Variants in SOS1 observed in about 807,000 individuals in gnomAD.
SOS1 encodes son of sevenless homolog 1.
A neutral mutation model predicts 157.6 loss-of-function variants in SOS1; 25 were observed. The ratio of observed to expected loss-of-function variants is 0.16; its 90% confidence interval spans 0.12 to 0.22. SOS1 has a LOEUF of 0.22. SOS1 is among the 10% of genes least tolerant of loss of function. The probability of loss-of-function intolerance (pLI) is 1.00; values close to 1 mark genes in which losing one functional copy is unlikely to be tolerated. For synonymous variants in SOS1, 528 were observed against 534.0 expected (o/e 0.99, Z 0.16); for missense variants, 1,237 against 1,599.1 (o/e 0.77, Z 3.86).
rs12614938 is a variant in SOS1, at chr2:39,077,826, C to T, written c.88-10073G>A. Among the ~76,000 whole-genome samples, 279 of 152,114 alleles carry T rather than the reference C, an allele frequency of 1.8e-3. 12 individuals carry two copies. In the East Asian group the frequency reaches 0.048, roughly 26 times the overall value. ...AACTGAAGATGGATCAAGTACATAA[C>T]GGTGATAAGCAAAAGATTCAGAAAC... On this transcript the variant is annotated intron_variant, in intron 1 of 22. Transcript: ENST00000402219.
chr2:39,040,313 G>A (rs1670525622), intron 6 of SOS1, among the ~76,000 whole-genome samples: 1 of 152,136 alleles, frequency 6.6e-6, no homozygotes, highest in Non-Finnish European at 1.5e-5. Context: ...CACTGTGCCC[G>A]GCCTAATTTT....
chr2:39,048,257 A>C (rs1467239656), intron 6 of SOS1, among the ~76,000 whole-genome samples: 2 of 152,152 alleles, frequency 1.3e-5, no homozygotes, highest in African/African-American at 2.4e-5. Context: ...ATAATACTGT[A>C]GTTGGGTAGA....
chr2:38,986,539 C>T (rs1668566505), intron 22 of SOS1, among the ~76,000 whole-genome samples: 1 of 151,616 alleles, frequency 6.6e-6, no homozygotes, highest in Non-Finnish European at 1.5e-5. Flanking sequence ...AATCATGGCT[C>T]ACTGTAGCCT....
Position 39,096,980 on chromosome 2 carries a change from C to T in SOS1, c.87+23356G>A, listed in dbSNP as rs1021399227. 6.6e-5 allele frequency among the ~76,000 whole-genome samples: 10 copies of T among 152,154 alleles called. No homozygotes were observed. In the East Asian group the frequency reaches 1.9e-3, roughly 29 times the overall value. On this transcript the variant is annotated intron_variant, in intron 1 of 22. Transcript: ENST00000402219. Reference sequence around the variant, plus strand: ...ATAAAATCCCTAAGAGCTACCTATACCTACCAATAATTAGCTACACAATCT... The same window carrying T: ...ATAAAATCCCTAAGAGCTACCTATATCTACCAATAATTAGCTACACAATCT...
At chr2:39,042,473 G>A (rs1245265856) in intron 6 of SOS1, among the ~76,000 whole-genome samples, 1 of 151,768 alleles carries the variant, frequency 6.6e-6, no homozygotes, top group Non-Finnish European at 1.5e-5. Context: ...GCACAATCTC[G>A]GCTCACTGCA....
intron 1 of SOS1, among the ~76,000 whole-genome samples, chr2:39,095,758 G>T (rs181016455): frequency 4.1e-4 from 63 of 152,300 alleles, no homozygotes; most frequent in African/African-American, 1.5e-3. Context: ...GGACAGAGAG[G>T]AATCATTAGA....
chr2:39,033,905 T>G (rs1416141261), intron 8 of SOS1, among the ~76,000 whole-genome samples: 1 of 151,978 alleles, frequency 6.6e-6, no homozygotes, highest in Non-Finnish European at 1.5e-5. Context: ...TTTCTGAATT[T>G]CATTACAGGC....
At chr2:39,102,230 A>AAAAAAAAAG (rs1553370166) in intron 1 of SOS1, among the ~76,000 whole-genome samples, 4 of 142,860 alleles carry the variant, frequency 2.8e-5, no homozygotes, top group East Asian at 2.0e-4. Context: ...AAAAAAAAAA[A>AAAAAAAAAG]GTGCCACTTT....
intron 6 of SOS1, among the ~76,000 whole-genome samples, chr2:39,045,253 A>AGGGG (rs1349175910): frequency 3.3e-5 from 4 of 121,152 alleles, no homozygotes; most frequent in African/African-American, 1.2e-4. Flanking sequence ...GGAGAGAGAG[A>AGGGG]GAGAGAGAGA....
intron 1 of SOS1, among the ~76,000 whole-genome samples, chr2:39,111,449 A>G (rs956089846): frequency 2.0e-5 from 3 of 152,240 alleles, no homozygotes; most frequent in Non-Finnish European, 4.4e-5. Context: ...ACAAAATTCT[A>G]AAATGAAGTA....
chr2:39,108,465 T>C (rs1197627038), intron 1 of SOS1, among the ~76,000 whole-genome samples: 2 of 152,184 alleles, frequency 1.3e-5, no homozygotes, highest in Non-Finnish European at 2.9e-5. Context: ...AAATGCTGAG[T>C]TCCTCTTGGC....
rs1240207005 is a variant in SOS1 at position 39,022,793 on chromosome 2, C to T, written c.1635G>A (p.Gln545=). The change falls in exon 10 of 23, where the codon CAG becomes CAA. Residue 545 remains glutamine (Q), a synonymous_variant. Coordinates refer to ENST00000402219, the MANE Select transcript of SOS1 (RefSeq NM_005633.4). ...GCATCCTTTCCAGTGTACTCCGGTA[C>T]TGTAAAGATATCAATGCTGCCATCC... The part of the protein sequence containing the change: ...NNWMAALISL[Q]YRSTLERMLD... 3.1e-6 allele frequency: 5 copies of T among 1,613,430 alleles called. No individual in the cohort carries two copies. The highest frequency in any genetic ancestry group is 2.2e-5 in the South Asian group (2 of 91,078).
intron 2 of SOS1, among the ~76,000 whole-genome samples, chr2:39,065,712 G>C (rs1042740894): frequency 1.3e-5 from 2 of 152,110 alleles, no homozygotes; most frequent in Admixed American, 6.5e-5. Context: ...AAAAGTCTTG[G>C]CTTCACTACT....
At chr2:39,030,652 C>G (rs544668583) in intron 8 of SOS1, among the ~76,000 whole-genome samples, 2 of 152,164 alleles carry the variant, frequency 1.3e-5, no homozygotes, top group South Asian at 4.2e-4. Flanking sequence ...ATCAGAACAA[C>G]AAAAATTTAA....
chr2:39,035,551 G>T, intron 6 of SOS1, 51 bp from the exon 7 acceptor site: 1 of 1,341,536 alleles, frequency 7.5e-7, no homozygotes, highest in East Asian at 2.3e-5. Flanking sequence ...TACAAACACA[G>T]AAAGATTTAA....
At chr2:39,118,480 C>T (rs2148239330) in intron 1 of SOS1, among the ~76,000 whole-genome samples, 1 of 152,320 alleles carries the variant, frequency 6.6e-6, no homozygotes, top group African/African-American at 2.4e-5. Flanking sequence ...AAGAACCTTA[C>T]ATATCAGCTA....
chr2:39,008,090 C>T (rs2124505830), intron 15 of SOS1, among the ~76,000 whole-genome samples: 1 of 152,326 alleles, frequency 6.6e-6, no homozygotes, highest in Non-Finnish European at 1.5e-5. Flanking sequence ...TTTTCTCATC[C>T]TGTCCCTGCT....
chr2:39,123,694 T>C (rs117616335), upstream of SOS1, among the ~76,000 whole-genome samples: 217 of 152,188 alleles, frequency 1.4e-3, 1 homozygote, highest in East Asian at 0.011. Flanking sequence ...TCTTCATTGG[T>C]TTTAATCGTA....
intron 10 of SOS1, among the ~76,000 whole-genome samples, chr2:39,017,453 A>G (rs560218012): frequency 9.2e-5 from 14 of 152,054 alleles, no homozygotes; most frequent in Non-Finnish European, 2.1e-4. Context: ...TCTAGATTTT[A>G]GGAATTAACA....
Sources: allele counts gnomAD v4.1 joint callset (sites outside exome capture counted in the v4.1 genomes callset), GRCh38; gene constraint gnomAD v4.1.1; transcripts MANE v1.5; gene names NCBI Gene and HGNC (gene_info 2026-07-23, HGNC 2026-07-21).